The following HEMK2 variants were observed in gnomAD, a reference collection of about 807,000 sequenced individuals.
The protein encoded by HEMK2 is methyltransferase HEMK2.
the HEMK2 span, among the ~76,000 whole-genome samples, chr21:28,748,315 C>CAT: frequency 6.2e-4 from 94 of 152,230 alleles, no homozygotes; most frequent in African/African-American, 2.2e-3. Context: ...AAAACAGAAG[C>CAT]ATAAGAATAT....
chr21:28,857,212 A>C, the HEMK2 span, among the ~76,000 whole-genome samples: 4 of 152,262 alleles, frequency 2.6e-5, no homozygotes, highest in Admixed American at 2.6e-4. Flanking sequence ...CTTTGTATAA[A>C]GTTCTTTATT....
chr21:28,788,187 T>A, the HEMK2 span, among the ~76,000 whole-genome samples: 1 of 149,622 alleles, frequency 6.7e-6, no homozygotes, highest in African/African-American at 2.4e-5. Context: ...TATACACATA[T>A]ATACGTATAT....
the HEMK2 span, among the ~76,000 whole-genome samples, chr21:28,794,928 T>C: frequency 6.6e-6 from 1 of 152,186 alleles, no homozygotes; most frequent in Non-Finnish European, 1.5e-5. Flanking sequence ...GAGTTGACGA[T>C]GGGTGCCATT....
chr21:28,814,566 C>T, the HEMK2 span, among the ~76,000 whole-genome samples: 10,047 of 150,692 alleles, frequency 0.067, 373 homozygotes, highest in Middle Eastern at 0.1. Flanking sequence ...AAAAAGTGGG[C>T]GAAGGATATG....
the HEMK2 span, among the ~76,000 whole-genome samples, chr21:28,790,410 A>C: frequency 6.6e-6 from 1 of 152,204 alleles, no homozygotes; most frequent in East Asian, 1.9e-4. Context: ...GTCAAGCATC[A>C]AGCGTCTTGC....
the HEMK2 span, among the ~76,000 whole-genome samples, chr21:28,843,331 G>A: frequency 2.0e-5 from 3 of 152,126 alleles, no homozygotes; most frequent in South Asian, 6.2e-4. Context: ...GGGGAAGAAA[G>A]GCAATCATGA....
the HEMK2 span, among the ~76,000 whole-genome samples, chr21:28,766,783 G>A: frequency 1.3e-5 from 2 of 152,214 alleles, no homozygotes; most frequent in East Asian, 3.9e-4. Flanking sequence ...TCACTTATAA[G>A]TGGGAGCTAA....
the HEMK2 span, chr21:28,885,265 C>T: frequency 6.3e-7 from 1 of 1,595,262 alleles, no homozygotes; most frequent in South Asian, 1.1e-5. Context: ...GAAACGTGTC[C>T]TCCGCGGGCT....
the HEMK2 span, among the ~76,000 whole-genome samples, chr21:28,834,310 G>A: frequency 6.6e-6 from 1 of 152,212 alleles, no homozygotes; most frequent in Non-Finnish European, 1.5e-5. Flanking sequence ...CAGGACCTGG[G>A]AGACCCCCCA....
chr21:28,764,633 G>A, the HEMK2 span, among the ~76,000 whole-genome samples: 19 of 152,190 alleles, frequency 1.2e-4, no homozygotes, highest in African/African-American at 4.6e-4. Context: ...AATAGCGAGG[G>A]CATCTGATTT....
chr21:28,577,169 G>A, the HEMK2 span: 1 of 152,142 alleles, frequency 6.6e-6, no homozygotes, highest in Non-Finnish European at 1.5e-5. Flanking sequence ...AGAAAATAAA[G>A]CTCACATATA....
the HEMK2 span, among the ~76,000 whole-genome samples, chr21:28,883,396 A>T: frequency 1.3e-5 from 2 of 152,212 alleles, no homozygotes; most frequent in Non-Finnish European, 2.9e-5. Context: ...AATGTGAAAG[A>T]CATCATTCCT....
At chr21:28,674,335 T>C in the HEMK2 span, among the ~76,000 whole-genome samples, 10 of 152,226 alleles carry the variant, frequency 6.6e-5, no homozygotes, top group Non-Finnish European at 1.5e-4. Flanking sequence ...GCCATTCTTT[T>C]ATACCTTTAC....
At chr21:28,671,592 G>A in the HEMK2 span, among the ~76,000 whole-genome samples, 1 of 152,146 alleles carries the variant, frequency 6.6e-6, no homozygotes. Context: ...CTGGATTACT[G>A]CAGTGTGGTA....
At chr21:28,615,337 C>T in the HEMK2 span, among the ~76,000 whole-genome samples, 1 of 151,750 alleles carries the variant, frequency 6.6e-6, no homozygotes, top group African/African-American at 2.4e-5. Flanking sequence ...CCCCTTTTCC[C>T]CCTCCTCCTC....
At chr21:28,869,647 G>T in the HEMK2 span, among the ~76,000 whole-genome samples, 30 of 152,196 alleles carry the variant, frequency 2.0e-4, no homozygotes, top group Non-Finnish European at 3.7e-4. Flanking sequence ...CCATATCCAC[G>T]CTGACTTAGA....
chr21:28,864,200 A>T, the HEMK2 span, among the ~76,000 whole-genome samples: 1 of 152,198 alleles, frequency 6.6e-6, no homozygotes, highest in Non-Finnish European at 1.5e-5. Context: ...ATTATAAGTT[A>T]TAGCAACATA....
At chr21:28,876,243 G>A in the HEMK2 span, 2 of 512,206 alleles carry the variant, frequency 3.9e-6, no homozygotes, top group Admixed American at 3.6e-5. Context: ...CTATAGGCCT[G>A]ACTGAAAGGG....
At chr21:28,733,973 G>C in the HEMK2 span, among the ~76,000 whole-genome samples, 1 of 152,120 alleles carries the variant, frequency 6.6e-6, no homozygotes, top group East Asian at 1.9e-4. Flanking sequence ...ATCATTTTTT[G>C]GTTCATTTAG....
Sources: allele counts gnomAD v4.1 joint callset (sites outside exome capture counted in the v4.1 genomes callset), GRCh38; gene constraint gnomAD v4.1.1; transcripts MANE v1.5; gene names NCBI Gene and HGNC (gene_info 2026-07-23, HGNC 2026-07-21).